Variants in LONRF1 observed in about 807,000 individuals in gnomAD.
LONRF1 encodes the protein LON peptidase N-terminal domain and ring finger 1.
A neutral mutation model predicts 85.8 loss-of-function variants in LONRF1; 37 were observed. The observed-to-expected ratio is 0.43, with a 90% CI of 0.33 to 0.57. The LOEUF is 0.57. Ranked by LOEUF, LONRF1 falls within the 20% of genes least tolerant of loss-of-function variation. LONRF1 has a pLI of 0.04. For missense variants in LONRF1, 1,036 were observed against 978.0 expected, an observed-to-expected ratio of 1.06 and a Z score of -0.79; for synonymous variants, 517 against 390.1, an observed-to-expected ratio of 1.33 and a Z score of -3.83.
chr8:12,754,861 G>C lies in LONRF1; in HGVS notation c.560C>G (p.Ala187Gly), dbSNP rs1242756367. The change falls in exon 1 of 12, where the codon GCC (alanine) becomes GGC (glycine). Residue 187 changes from alanine to glycine, a missense_variant. Transcript: ENST00000398246. ...GACGCTGGTTCTGAAGTCTGAAGCG[G>C]CGATGGCGGCGGCCAGAGGCGGCGG... ...PRPPPLAAAI[A>G]ASDFRTSVVL... 1 of 1,493,712 alleles carries C rather than the reference G, an allele frequency of 6.7e-7. No homozygotes were observed. The highest frequency in any genetic ancestry group is 2.9e-5 in the East Asian group (1 of 34,936). 92.5% of individuals were successfully genotyped at this position (1,493,712 alleles called of 1,614,324 possible).
chr8:12,725,824 G>A lies in LONRF1; in HGVS notation c.2066C>T (p.Ser689Phe). ...NLRELHDLVY[S>F]QACSWFQNLR... ...ATTCTGAAACCAGCTGCAGGCTTGA[G>A]AGTAAACCAAATCATGAAGCTCTCT... Residue 689 changes from serine (S) to phenylalanine (F), a missense_variant, in exon 11 of 12, where the codon TCT (serine) becomes TTT (phenylalanine). Around this residue, in one of 3 missense-constraint regions of LONRF1, gnomAD observed 265 missense variants for 301.5 expected, o/e 0.88. Transcript: ENST00000398246. 1 of 1,613,546 alleles carries A rather than the reference G, an allele frequency of 6.2e-7. No individual in the cohort carries two copies. Among genetic ancestry groups the A allele is most frequent in the Non-Finnish European group, 8.5e-7 (1 of 1,179,642 alleles).
At chr8:12,745,160 A>G (rs1305632303) in intron 1 of LONRF1, among the ~76,000 whole-genome samples, 1 of 152,176 alleles carries the variant, frequency 6.6e-6, no homozygotes, top group Non-Finnish European at 1.5e-5. Context: ...TCCCTAAAGG[A>G]GGTCCTAAAA....
At position 12,751,294 on chromosome 8, in the gene LONRF1, A is replaced by ATGTTTTTTTTTTTGTT. The variant is rs1799378427; in HGVS notation, c.721+3405_721+3406insAACAAAAAAAAAAACA. ...AGTCAAGGATTATATTTTTATTTTT[A>ATGTTTTTTTTTTTGTT]TGTTTTTTTTTTTTTTTTTTTTTTT... On this transcript the variant is annotated intron_variant, in intron 1 of 11. Coordinates refer to ENST00000398246, the MANE Select transcript of LONRF1 (RefSeq NM_152271.5). 1.4e-4 allele frequency among the ~76,000 whole-genome samples: 12 copies of ATGTTTTTTTTTTTGTT among 84,820 alleles called. No homozygotes were observed. The East Asian group carries it at 1.6e-3, about 11-fold the overall frequency. 55.6% of individuals were successfully genotyped at this position (84,820 alleles called of 152,430 possible). A position where few individuals can be genotyped will look rare whatever the true frequency, so the allele number is the denominator to read the frequency against.
At chr8:12,738,276 A>C (rs978849865) in intron 3 of LONRF1, 132 bp from the exon 4 acceptor site, 1 of 601,348 alleles carries the variant, frequency 1.7e-6, no homozygotes, top group Non-Finnish European at 2.7e-6. Context: ...GGAGGGGAAC[A>C]AGGTAAGCAA....
intron 1 of LONRF1, among the ~76,000 whole-genome samples, chr8:12,751,294 A>ATGTTTTTTTTTTTTTTGT (rs1554469326): frequency 1.2e-5 from 1 of 84,810 alleles, no homozygotes; most frequent in African/African-American, 4.2e-5. Context: ...TTTTATTTTT[A>ATGTTTTTTTTTTTTTTGT]TGTTTTTTTT....
chr8:12,728,126 A>T (rs533154552), intron 10 of LONRF1, among the ~76,000 whole-genome samples: 2 of 152,348 alleles, frequency 1.3e-5, no homozygotes, highest in South Asian at 4.1e-4. Flanking sequence ...TGAATAAGAG[A>T]AGGGATAAGA....
At chr8:12,729,498 C>T (rs1217368637) in intron 8 of LONRF1, 166 bp from the exon 9 acceptor site, 1 of 618,488 alleles carries the variant, frequency 1.6e-6, no homozygotes, top group Non-Finnish European at 2.8e-6. Context: ...AGAATCAGCA[C>T]CCCGTTCACT....
rs1261966420 is a variant in LONRF1, at chr8:12,741,105, C to T, written c.841-109G>A. The T allele has an allele frequency of 1.2e-5, 15 of 1,202,310 alleles. No individual in the cohort carries two copies. In the Admixed American group the frequency reaches 2.0e-4, roughly 16 times the overall value. 74.5% of individuals were successfully genotyped at this position (1,202,310 alleles called of 1,614,324 possible). On this transcript the variant is annotated intron_variant, in intron 2 of 11. Transcript: ENST00000398246. ...CTGCTCAGCAGTGCCGATTCTGGGC[C>T]GGGTGCAGTAGCTCACGCCTGTAAT... is the stretch of plus-strand genomic sequence containing the variant.
intron 1 of LONRF1, 59 bp from the exon 2 acceptor site, chr8:12,743,341 A>T: frequency 1.9e-6 from 2 of 1,026,740 alleles, no homozygotes; most frequent in Non-Finnish European, 3.0e-6. Context: ...CATAATCTAC[A>T]AAATATGATC....
intron 10 of LONRF1, 41 bp downstream of exon 10, chr8:12,728,859 AG>A: frequency 6.2e-7 from 1 of 1,610,088 alleles, no homozygotes; most frequent in Non-Finnish European, 8.5e-7. Flanking sequence ...TCCCTGGAAC[AG>A]GATATACGAA....
rs1409977039 is a variant in LONRF1 at position 12,722,972 on chromosome 8, C to T, written c.*124G>A. ...TGCAGAACCACATGATTCAGGAGGT[C>T]GAAGGAAAAAGAAAAGTTTCATTAA... On this transcript the variant is annotated 3_prime_UTR_variant, in exon 12 of 12. Coordinates refer to ENST00000398246, the MANE Select transcript of LONRF1 (RefSeq NM_152271.5). 10 of 922,028 alleles carry T rather than the reference C, an allele frequency of 1.1e-5. No individual in the cohort carries two copies. Among genetic ancestry groups the T allele is most frequent in the Admixed American group, 5.3e-5 (2 of 37,644 alleles). The allele number at this position is 922,028 out of a possible 1,614,324, so 57.1% of individuals were successfully genotyped here. A position where few individuals can be genotyped will look rare whatever the true frequency, so the allele number is the denominator to read the frequency against.
At chr8:12,736,557 TA>T in intron 6 of LONRF1, 143 bp downstream of exon 6, 1 of 599,944 alleles carries the variant, frequency 1.7e-6, no homozygotes, top group Non-Finnish European at 2.8e-6. Context: ...GCATGAAAGG[TA>T]AACCCAGGAC....
chr8:12,748,678 G>A (rs995553839), intron 1 of LONRF1, among the ~76,000 whole-genome samples: 1 of 152,060 alleles, frequency 6.6e-6, no homozygotes, highest in Non-Finnish European at 1.5e-5. Context: ...TTAAAACTTT[G>A]TGTTTATTCA....
intron 3 of LONRF1, among the ~76,000 whole-genome samples, chr8:12,739,560 C>A (rs571929346): frequency 6.6e-6 from 1 of 152,104 alleles, no homozygotes; most frequent in Non-Finnish European, 1.5e-5. Flanking sequence ...TGCTGTTACA[C>A]AGGTACATAC....
At chr8:12,731,619 A>G (rs1798532205) in intron 8 of LONRF1, 117 bp downstream of exon 8, 1 of 833,640 alleles carries the variant, frequency 1.2e-6, no homozygotes, top group Non-Finnish European at 1.9e-6. Context: ...ACGGAAACAG[A>G]CCAATACTTC....
At chr8:12,725,049 T>C (rs996379666) in intron 11 of LONRF1, among the ~76,000 whole-genome samples, 3 of 152,248 alleles carry the variant, frequency 2.0e-5, no homozygotes, top group African/African-American at 7.2e-5. Context: ...AATGCTACGA[T>C]GCCTAAAACG....
chr8:12,746,507 T>A (rs1323592899), intron 1 of LONRF1, among the ~76,000 whole-genome samples: 1 of 152,176 alleles, frequency 6.6e-6, no homozygotes, highest in Non-Finnish European at 1.5e-5. Flanking sequence ...TTGCTTTGGG[T>A]CTTCCTCCAC....
At chr8:12,752,178 A>C (rs1221134717) in intron 1 of LONRF1, among the ~76,000 whole-genome samples, 1 of 152,146 alleles carries the variant, frequency 6.6e-6, no homozygotes, top group Non-Finnish European at 1.5e-5. Flanking sequence ...TTTCATTATC[A>C]ACAATAATGA....
At chr8:12,742,900 G>C (rs1798994665) in intron 2 of LONRF1, among the ~76,000 whole-genome samples, 1 of 151,970 alleles carries the variant, frequency 6.6e-6, no homozygotes, top group Non-Finnish European at 1.5e-5. Context: ...TCATTTTTGT[G>C]TTTTTTGTAG....
Sources: allele counts gnomAD v4.1 joint callset (sites outside exome capture counted in the v4.1 genomes callset), GRCh38; gene constraint gnomAD v4.1.1; regional missense constraint gnomAD v4.1.1; transcripts MANE v1.5; gene names NCBI Gene and HGNC (gene_info 2026-07-23, HGNC 2026-07-21).